SLC38A11: variants seen among roughly 807,000 people sequenced by gnomAD.
The protein encoded by SLC38A11 is solute carrier family 38 member 11.
A neutral mutation model predicts 49.4 loss-of-function variants in SLC38A11; 51 were observed. The observed-to-expected ratio is 1.03, with a 90% confidence interval of 0.83 to 1.30. The LOEUF (loss-of-function observed/expected upper bound fraction) is 1.30, where lower values mean the gene tolerates loss of function less well. Among genes scored for constraint, SLC38A11 ranks in the 50% most tolerant of loss-of-function variants. The pLI is 0.00. For missense variants in SLC38A11, 574 were observed against 556.2 expected (o/e 1.03, Z -0.32); for synonymous variants, 203 against 192.9 (o/e 1.05, Z -0.43).
At chr2:164,937,531 A>AT (rs901196011) in intron 6 of SLC38A11, 102 bp from the exon 7 acceptor site, 11 of 765,538 alleles carry the variant, frequency 1.4e-5, no homozygotes, top group African/African-American at 8.8e-5. Context: ...TTACATATAG[A>AT]TTTTTTTGCC....
intron 10 of SLC38A11, among the ~76,000 whole-genome samples, chr2:164,909,913 G>A (rs148330365): frequency 3.2e-4 from 48 of 152,158 alleles, no homozygotes; most frequent in African/African-American, 1.2e-3. Flanking sequence ...AACATAAGTT[G>A]TAATGTCTCT....
rs780838583 is a variant in SLC38A11 at position 164,915,971 on chromosome 2, G to T, written c.620C>A (p.Pro207Gln). 1.3e-6 allele frequency: 2 copies of T among 1,584,956 alleles called. No individual in the cohort carries two copies. Among genetic ancestry groups the T allele is most frequent in the Non-Finnish European group, 1.7e-6 (2 of 1,158,400 alleles). The change falls in exon 8 of 12, where the codon CCA (proline) becomes CAA (glutamine). Residue 207 changes from proline to glutamine, a missense_variant and splice_region_variant. Pro to Gln is a moderately conservative substitution (Grantham distance 76, BLOSUM62 -1). Transcript: ENST00000685975. Reference protein sequence around the residue: ...ARAISLGPHIPKTEDAWVFAK... With the variant: ...ARAISLGPHIQKTEDAWVFAK... ...AAATACCCAAGCGTCTTCTGTTTTT[G>T]GTCTAGAAGAAAAATCAGTTAACTT... is the stretch of plus-strand genomic sequence containing the variant.
chr2:164,938,211 T>C (rs1687508876), intron 6 of SLC38A11, among the ~76,000 whole-genome samples: 1 of 152,192 alleles, frequency 6.6e-6, no homozygotes, highest in Admixed American at 6.6e-5. Flanking sequence ...TGTTAATTTT[T>C]AACTAGAAAG....
chr2:164,901,271 G>GT (rs1424302392), intron 11 of SLC38A11, among the ~76,000 whole-genome samples: 4 of 151,928 alleles, frequency 2.6e-5, no homozygotes, highest in African/African-American at 9.7e-5. Context: ...AATACTGATT[G>GT]TTTTTTCTAT....
At chr2:164,907,511 C>T (rs1379147530) in intron 11 of SLC38A11, among the ~76,000 whole-genome samples, 2 of 152,066 alleles carry the variant, frequency 1.3e-5, no homozygotes, top group African/African-American at 4.8e-5. Context: ...AGCAATCCAT[C>T]CACTTTGGCC....
intron 7 of SLC38A11, among the ~76,000 whole-genome samples, chr2:164,917,157 A>G (rs1426756290): frequency 6.6e-6 from 1 of 152,170 alleles, no homozygotes; most frequent in Non-Finnish European, 1.5e-5. Context: ...AGTAAGACTC[A>G]AAACAATGCA....
chr2:164,938,157 C>T (rs758035879), intron 6 of SLC38A11, among the ~76,000 whole-genome samples: 1 of 152,094 alleles, frequency 6.6e-6, no homozygotes, highest in Non-Finnish European at 1.5e-5. Context: ...AAATATAAAA[C>T]TGCTTGTATT....
chr2:164,932,954 T>C (rs1687108992), intron 7 of SLC38A11, among the ~76,000 whole-genome samples: 1 of 152,270 alleles, frequency 6.6e-6, no homozygotes, highest in African/African-American at 2.4e-5. Context: ...CCTCTGTCTT[T>C]ACCCATTTTT....
At chr2:164,906,081 T>C (rs1183633944) in intron 11 of SLC38A11, among the ~76,000 whole-genome samples, 2 of 152,276 alleles carry the variant, frequency 1.3e-5, no homozygotes, top group East Asian at 3.9e-4. Flanking sequence ...GCAATATGTG[T>C]GCACTTGATT....
intron 5 of SLC38A11, among the ~76,000 whole-genome samples, chr2:164,939,777 T>G (rs191631786): frequency 3.3e-5 from 5 of 152,068 alleles, no homozygotes; most frequent in Admixed American, 6.6e-5. Flanking sequence ...CTTGAAATGA[T>G]GTTATAATAT....
chr2:164,896,442 C>T lies in SLC38A11; in HGVS notation c.*1995G>A, dbSNP rs1295603429. On this transcript the variant is annotated 3_prime_UTR_variant, in exon 12 of 12. Transcript: ENST00000685975. ...TATCCTTGACATACTTTTCTTTGTA[C>T]ATGCTTAGAGATCTCATCCCTCATG... The T allele has an allele frequency of 2.6e-5, 4 of 152,080 alleles. No individual in the cohort carries two copies. The highest frequency in any genetic ancestry group is 4.8e-5 in the African/African-American group (2 of 41,418). The allele number at this position is 152,080 out of a possible 1,614,324, so 9.4% of individuals were successfully genotyped here. A position where few individuals can be genotyped will look rare whatever the true frequency, so the allele number is the denominator to read the frequency against.
chr2:164,911,863 T>C, intron 9 of SLC38A11, 115 bp from the exon 10 acceptor site: 1 of 547,010 alleles, frequency 1.8e-6, no homozygotes, highest in Non-Finnish European at 3.2e-6. Flanking sequence ...CCCACATATA[T>C]GATTACAATG....
chr2:164,932,760 A>T (rs769548019), intron 7 of SLC38A11, among the ~76,000 whole-genome samples: 1 of 151,980 alleles, frequency 6.6e-6, no homozygotes, highest in South Asian at 2.1e-4. Context: ...AGAAAGAAGA[A>T]GATCAGGAAA....
At chr2:164,929,972 G>T (rs1390109060) in intron 7 of SLC38A11, among the ~76,000 whole-genome samples, 1 of 147,152 alleles carries the variant, frequency 6.8e-6, no homozygotes, top group African/African-American at 2.5e-5. Context: ...TCCAGGCGCT[G>T]TTTTTTTTTA....
At chr2:164,900,860 T>C (rs1424923194) in intron 11 of SLC38A11, among the ~76,000 whole-genome samples, 1 of 125,392 alleles carries the variant, frequency 8.0e-6, no homozygotes, top group Non-Finnish European at 1.9e-5. Context: ...AGTGTGATAT[T>C]CAAAAAAATC....
intron 10 of SLC38A11, 52 bp from the exon 11 acceptor site, chr2:164,908,823 T>C: frequency 1.9e-6 from 3 of 1,549,742 alleles, no homozygotes; most frequent in Non-Finnish European, 2.6e-6. Context: ...CATGCAGGAT[T>C]TATTGAGGGA....
intron 11 of SLC38A11, among the ~76,000 whole-genome samples, chr2:164,899,322 G>A (rs17353436): frequency 0.052 from 7,894 of 152,144 alleles, 249 homozygotes; most frequent in Admixed American, 0.088. Context: ...TAATTACTGA[G>A]AAAGTTGACA....
intron 8 of SLC38A11, 156 bp downstream of exon 8, chr2:164,915,747 C>T: frequency 1.7e-6 from 1 of 579,616 alleles, no homozygotes; most frequent in East Asian, 2.6e-5. Flanking sequence ...AAAGTTTGAG[C>T]CTAATTTTAT....
At chr2:164,909,853 T>A (rs942702467) in intron 10 of SLC38A11, among the ~76,000 whole-genome samples, 1 of 152,026 alleles carries the variant, frequency 6.6e-6, no homozygotes, top group Non-Finnish European at 1.5e-5. Flanking sequence ...ACATCTCCCA[T>A]GTGTCACATA....
Sources: allele counts gnomAD v4.1 joint callset (sites outside exome capture counted in the v4.1 genomes callset), GRCh38; gene constraint gnomAD v4.1.1; transcripts MANE v1.5; gene names NCBI Gene and HGNC (gene_info 2026-07-23, HGNC 2026-07-21).